The following GABRB1 variants were observed in gnomAD, a reference collection of about 807,000 sequenced individuals.
GABRB1 encodes gamma-aminobutyric acid type A receptor subunit beta1, also known as gamma-aminobutyric acid receptor subunit beta-1.
Under a neutral mutation model 51.6 loss-of-function variants are expected in GABRB1, and 17 were observed. That is an observed-to-expected ratio of 0.33 (90% CI 0.23 to 0.49). The LOEUF (loss-of-function observed/expected upper bound fraction) is 0.49, where lower values mean the gene tolerates loss of function less well. Among genes scored for constraint, GABRB1 ranks in the 20% least tolerant of loss-of-function variants. GABRB1 has a pLI of 0.99. For missense variants in GABRB1, 410 were observed against 600.6 expected (o/e 0.68, Z 3.32); for synonymous variants, 247 against 218.9 (o/e 1.13, Z -1.14).
At chr4:47,350,218 T>TATATATATATATATATATAGAG (rs750199965) in intron 5 of GABRB1, among the ~76,000 whole-genome samples, 1 of 56,656 alleles carries the variant, frequency 1.8e-5, no homozygotes, top group South Asian at 8.5e-4. Flanking sequence ...TATATATATA[T>TATATATATATATATATATAGAG]AGAGAGAGAG....
At chr4:47,253,416 A>T (rs1020463472) in intron 4 of GABRB1, among the ~76,000 whole-genome samples, 2 of 152,242 alleles carry the variant, frequency 1.3e-5, no homozygotes, top group African/African-American at 4.8e-5. Context: ...CTTGGAAAAC[A>T]TAGTCCTTTT....
chr4:47,346,840 G>A (rs1341955839), intron 5 of GABRB1, among the ~76,000 whole-genome samples: 1 of 152,206 alleles, frequency 6.6e-6, no homozygotes, highest in African/African-American at 2.4e-5. Flanking sequence ...TGGATGACCA[G>A]GGGCATCTTC....
intron 8 of GABRB1, among the ~76,000 whole-genome samples, chr4:47,409,357 G>A (rs1381626404): frequency 6.6e-6 from 1 of 152,178 alleles, no homozygotes; most frequent in African/African-American, 2.4e-5. Flanking sequence ...GCTGGATGGA[G>A]GTGGCTCTCA....
At chr4:47,344,217 T>C (rs1479492433) in intron 5 of GABRB1, among the ~76,000 whole-genome samples, 3 of 152,238 alleles carry the variant, frequency 2.0e-5, no homozygotes, top group Non-Finnish European at 2.9e-5. Flanking sequence ...CTGCTAGACC[T>C]GGCTAATGGA....
chr4:47,378,308 C>T (rs911699601), intron 5 of GABRB1, among the ~76,000 whole-genome samples: 1 of 152,234 alleles, frequency 6.6e-6, no homozygotes, highest in South Asian at 2.1e-4. Flanking sequence ...CTAAGCCCCT[C>T]ATTGCCTGGC....
At chr4:47,056,313 C>T (rs549156757) in intron 3 of GABRB1, among the ~76,000 whole-genome samples, 27 of 152,234 alleles carry the variant, frequency 1.8e-4, no homozygotes, top group African/African-American at 5.8e-4. Flanking sequence ...CCACCCTCTC[C>T]GACCCAGCTT....
chr4:47,296,988 A>G (rs1355467861), intron 4 of GABRB1, among the ~76,000 whole-genome samples: 1 of 152,194 alleles, frequency 6.6e-6, no homozygotes, highest in Non-Finnish European at 1.5e-5. Flanking sequence ...TGGAAACTGA[A>G]CAACCTGCTC....
chr4:47,029,578 C>CT (rs1317778946), upstream of GABRB1, among the ~76,000 whole-genome samples: 3 of 151,864 alleles, frequency 2.0e-5, no homozygotes, highest in African/African-American at 7.2e-5. Flanking sequence ...TCGCAATAAT[C>CT]TTTTTTATCA....
At chr4:47,172,353 A>G (rs549219291) in intron 4 of GABRB1, among the ~76,000 whole-genome samples, 1 of 152,324 alleles carries the variant, frequency 6.6e-6, no homozygotes, top group Admixed American at 6.5e-5. Context: ...GCTTTGTTAC[A>G]CCTAAAAAAG....
intron 3 of GABRB1, among the ~76,000 whole-genome samples, chr4:47,053,503 A>G (rs1002945029): frequency 6.6e-6 from 1 of 152,184 alleles, no homozygotes; most frequent in African/African-American, 2.4e-5. Flanking sequence ...ATTAGCTTAT[A>G]ATCTCCCCAA....
intron 3 of GABRB1, among the ~76,000 whole-genome samples, chr4:47,121,885 T>C (rs1160550837): frequency 6.6e-6 from 1 of 152,182 alleles, no homozygotes; most frequent in East Asian, 1.9e-4. Context: ...GATTTGAACA[T>C]ACTTCAATGC....
At chr4:47,301,392 T>G (rs1229369684) in intron 4 of GABRB1, among the ~76,000 whole-genome samples, 1 of 152,070 alleles carries the variant, frequency 6.6e-6, no homozygotes, top group Non-Finnish European at 1.5e-5. Flanking sequence ...ATTCCAACAC[T>G]TTGGTAGTTC....
At chr4:47,368,134 T>C (rs1727053129) in intron 5 of GABRB1, among the ~76,000 whole-genome samples, 1 of 152,204 alleles carries the variant, frequency 6.6e-6, no homozygotes, top group African/African-American at 2.4e-5. Context: ...AAGCCCTTGT[T>C]TGAAGATGTC....
At chr4:47,187,724 A>C (rs1447988133) in intron 4 of GABRB1, among the ~76,000 whole-genome samples, 1 of 151,836 alleles carries the variant, frequency 6.6e-6, no homozygotes, top group Non-Finnish European at 1.5e-5. Context: ...CCAAAATGAG[A>C]CACCACATTG....
intron 4 of GABRB1, among the ~76,000 whole-genome samples, chr4:47,224,453 C>A (rs1720877953): frequency 6.6e-6 from 1 of 152,026 alleles, no homozygotes. Flanking sequence ...AACCAAAGAG[C>A]AGAGTGAGGA....
At position 47,222,649 on chromosome 4, in the gene GABRB1, A is replaced by G. The variant is rs113476738; in HGVS notation, c.461+61180A>G. Reference sequence around the variant, plus strand: ...CAAGGCACAAGTTGACTGCATCCACATAAGTGATTCTAAGCCACTCAACTA... The same window carrying G: ...CAAGGCACAAGTTGACTGCATCCACGTAAGTGATTCTAAGCCACTCAACTA... On this transcript the variant is annotated intron_variant, in intron 4 of 8. Transcript: ENST00000295454. Among the ~76,000 whole-genome samples the G allele has an allele frequency of 6.3e-3, 958 of 152,258 alleles. 11 individuals are homozygous for G. Among genetic ancestry groups the G allele is most frequent in the African/African-American group, 0.019 (802 of 41,574 alleles).
At chr4:47,216,433 T>A (rs1381760769) in intron 4 of GABRB1, among the ~76,000 whole-genome samples, 1 of 151,952 alleles carries the variant, frequency 6.6e-6, no homozygotes, top group Non-Finnish European at 1.5e-5. Context: ...GTCTCAGAAT[T>A]AACCTTAGCG....
chr4:47,339,541 A>ATGTGTGTG (rs34390361), intron 5 of GABRB1, among the ~76,000 whole-genome samples: 7,619 of 148,388 alleles, frequency 0.051, 298 homozygotes, highest in East Asian at 0.18. Flanking sequence ...ATGTGTGCAT[A>ATGTGTGTG]TGTGTGTGTG....
intron 3 of GABRB1, among the ~76,000 whole-genome samples, chr4:47,033,220 A>G (rs1394986968): frequency 6.6e-6 from 1 of 152,188 alleles, no homozygotes; most frequent in Non-Finnish European, 1.5e-5. Flanking sequence ...GGGACGTTGG[A>G]AGGGAGAGGG....
Sources: gnomAD v4.1 joint callset for allele counts (sites outside exome capture counted in the v4.1 genomes callset) on GRCh38, gnomAD v4.1.1 for gene constraint, MANE v1.5 for transcripts, NCBI Gene and HGNC (gene_info 2026-07-23, HGNC 2026-07-21) for gene names.